FSTL5: variants seen among roughly 807,000 people sequenced by gnomAD.
The protein encoded by FSTL5 is follistatin like 5.
In FSTL5, 62 loss-of-function variants were observed where a neutral mutation model predicts 89.1. The observed-to-expected ratio is 0.70, with a 90% confidence interval of 0.57 to 0.86. FSTL5 has a LOEUF of 0.86. Ranked by LOEUF, FSTL5 falls within the 40% of genes least tolerant of loss-of-function variation. The pLI is 0.00. For missense variants in FSTL5, 1,057 were observed against 1,001.6 expected (o/e 1.06, Z -0.75); for synonymous variants, 383 against 346.2 (o/e 1.11, Z -1.18).
At chr4:161,390,378 G>C (rs1730781645) in intron 15 of FSTL5, among the ~76,000 whole-genome samples, 1 of 152,168 alleles carries the variant, frequency 6.6e-6, no homozygotes, top group Non-Finnish European at 1.5e-5. Context: ...TGTAAGGGAA[G>C]TTATTTGGCC....
intron 4 of FSTL5, among the ~76,000 whole-genome samples, chr4:161,777,638 C>T (rs1243231678): frequency 1.3e-5 from 2 of 151,886 alleles, no homozygotes; most frequent in South Asian, 2.1e-4. Context: ...TATATATTTG[C>T]ACTTTTTATT....
chr4:161,856,624 C>T (rs1407132854), intron 4 of FSTL5, among the ~76,000 whole-genome samples: 1 of 149,600 alleles, frequency 6.7e-6, no homozygotes, highest in Non-Finnish European at 1.5e-5. Context: ...TTTCTATTTA[C>T]ATCCGTAACT....
intron 8 of FSTL5, among the ~76,000 whole-genome samples, chr4:161,564,491 T>C (rs545863375): frequency 6.8e-4 from 102 of 150,004 alleles, no homozygotes; most frequent in African/African-American, 2.4e-3. Context: ...AATTGATAAC[T>C]AATATAATTT....
intron 4 of FSTL5, among the ~76,000 whole-genome samples, chr4:161,848,990 C>T (rs1340964068): frequency 1.3e-5 from 2 of 151,944 alleles, no homozygotes; most frequent in African/African-American, 4.8e-5. Context: ...AATATGGCTC[C>T]CTTGGGGAAG....
chr4:161,504,318 C>T (rs1461350831), intron 11 of FSTL5, among the ~76,000 whole-genome samples: 1 of 151,828 alleles, frequency 6.6e-6, no homozygotes, highest in Non-Finnish European at 1.5e-5. Flanking sequence ...TAAAGGGGTC[C>T]TGAGTCTCAA....
chr4:161,578,643 C>G (rs1271695284), intron 8 of FSTL5, among the ~76,000 whole-genome samples: 1 of 151,780 alleles, frequency 6.6e-6, no homozygotes, highest in Non-Finnish European at 1.5e-5. Context: ...GAATAAAAAT[C>G]CAAGTAAAGA....
At chr4:162,058,377 G>A (rs756376653) in intron 2 of FSTL5, among the ~76,000 whole-genome samples, 2 of 151,510 alleles carry the variant, frequency 1.3e-5, no homozygotes, top group Non-Finnish European at 2.9e-5. Context: ...TTTTTTAAAG[G>A]GAGAATAATT....
At chr4:161,413,673 AG>A (rs1229594075) in intron 15 of FSTL5, among the ~76,000 whole-genome samples, 1 of 152,204 alleles carries the variant, frequency 6.6e-6, no homozygotes, top group Non-Finnish European at 1.5e-5. Flanking sequence ...AAAGCTACCC[AG>A]GTGTTCATCA....
intron 4 of FSTL5, among the ~76,000 whole-genome samples, chr4:161,846,466 G>A (rs1731373315): frequency 6.6e-6 from 1 of 151,978 alleles, no homozygotes; most frequent in Admixed American, 6.6e-5. Context: ...CATTTATACA[G>A]TTTTACAGGT....
In FSTL5 at chr4:161,440,973, T is replaced by G. The variant is rs28514492; in HGVS notation, c.1841+14031A>C. Among the ~76,000 whole-genome samples, 709 of 152,266 alleles carry G rather than the reference T, an allele frequency of 4.7e-3. 6 individuals are homozygous for G. The highest frequency in any genetic ancestry group is 0.016 in the African/African-American group (679 of 41,560). Reference sequence around the variant, plus strand: ...TCTAAACATTTACCTACCTGATACTTATAAGGTAATAAGCACACAAGTTTA... The same window carrying G: ...TCTAAACATTTACCTACCTGATACTGATAAGGTAATAAGCACACAAGTTTA... On this transcript the variant is annotated intron_variant, in intron 15 of 15. Transcript: ENST00000306100.
At chr4:161,635,686 T>C (rs1735662834) in intron 7 of FSTL5, among the ~76,000 whole-genome samples, 1 of 152,166 alleles carries the variant, frequency 6.6e-6, no homozygotes. Flanking sequence ...GGGATGGCTA[T>C]CTTTCTTATG....
chr4:161,844,794 C>T (rs1411356532), intron 4 of FSTL5, among the ~76,000 whole-genome samples: 1 of 151,664 alleles, frequency 6.6e-6, no homozygotes. Flanking sequence ...CTGTCGGGGG[C>T]TTGGGGAAGG....
chr4:161,839,775 G>T (rs1452479209), intron 4 of FSTL5, among the ~76,000 whole-genome samples: 1 of 152,154 alleles, frequency 6.6e-6, no homozygotes, highest in Non-Finnish European at 1.5e-5. Flanking sequence ...TCTATATCTT[G>T]ATTGGAGTGG....
chr4:161,910,349 A>G (rs961303581), intron 4 of FSTL5, among the ~76,000 whole-genome samples: 4 of 152,152 alleles, frequency 2.6e-5, no homozygotes, highest in South Asian at 4.1e-4. Flanking sequence ...TTTTCTCTTT[A>G]TTGTCATACT....
intron 4 of FSTL5, among the ~76,000 whole-genome samples, chr4:161,865,101 C>T (rs1732039229): frequency 6.6e-6 from 1 of 151,836 alleles, no homozygotes; most frequent in South Asian, 2.1e-4. Context: ...TAGAGCACAA[C>T]ATGAAAACAG....
chr4:161,651,931 A>G (rs1736356483), intron 7 of FSTL5, among the ~76,000 whole-genome samples: 1 of 152,220 alleles, frequency 6.6e-6, no homozygotes, highest in Non-Finnish European at 1.5e-5. Flanking sequence ...AGTCCCACAC[A>G]TAATAGCACA....
intron 6 of FSTL5, among the ~76,000 whole-genome samples, chr4:161,683,106 A>G (rs920673970): frequency 6.6e-6 from 1 of 152,136 alleles, no homozygotes; most frequent in African/African-American, 2.4e-5. Context: ...AAGTATAGTA[A>G]ATACACAAAT....
chr4:161,909,487 A>T (rs1378494794), intron 4 of FSTL5, among the ~76,000 whole-genome samples: 1 of 152,110 alleles, frequency 6.6e-6, no homozygotes, highest in Non-Finnish European at 1.5e-5. Flanking sequence ...ATACTCCCTC[A>T]GCACTGCTAG....
intron 3 of FSTL5, among the ~76,000 whole-genome samples, chr4:161,990,399 A>C (rs983001581): frequency 6.6e-6 from 1 of 152,150 alleles, no homozygotes; most frequent in Non-Finnish European, 1.5e-5. Context: ...AAATTTTATA[A>C]TCTTATAAAA....
Sources: allele counts gnomAD v4.1 joint callset (sites outside exome capture counted in the v4.1 genomes callset), GRCh38; gene constraint gnomAD v4.1.1; transcripts MANE v1.5; gene names NCBI Gene and HGNC (gene_info 2026-07-23, HGNC 2026-07-21).